NIPAL1: variants seen among roughly 807,000 people sequenced by gnomAD.
NIPAL1 encodes the protein NIPA like domain containing 1.
A neutral mutation model predicts 37.7 loss-of-function variants in NIPAL1; 35 were observed. The ratio of observed to expected loss-of-function variants is 0.93; its 90% CI spans 0.71 to 1.23. The LOEUF (loss-of-function observed/expected upper bound fraction) is 1.23. NIPAL1 is among the 50% of genes most tolerant of loss of function. NIPAL1 has a pLI of 0.00. For missense variants in NIPAL1, 412 were observed against 473.9 expected (o/e 0.87, Z 1.21); for synonymous variants, 162 against 183.0 (o/e 0.89, Z 0.93).
intron 1 of NIPAL1, among the ~76,000 whole-genome samples, chr4:48,017,676 A>G (rs1486480114): frequency 6.6e-6 from 1 of 152,054 alleles, no homozygotes; most frequent in Non-Finnish European, 1.5e-5. Flanking sequence ...AGGCCCCGAT[A>G]AAAGTAGGGA....
chr4:48,026,918 A>C (rs1052337193), intron 2 of NIPAL1, among the ~76,000 whole-genome samples: 1 of 151,822 alleles, frequency 6.6e-6, no homozygotes, highest in East Asian at 1.9e-4. Context: ...GGGTTTCACC[A>C]TGTTGGCCAG....
Position 48,038,405 on chromosome 4 carries a change from G to A in NIPAL1, c.*2233G>A, listed in dbSNP as rs563935573. 11 of 152,228 alleles carry A rather than the reference G, an allele frequency of 7.2e-5. No homozygotes were observed. Among genetic ancestry groups the A allele is most frequent in the Admixed American group, 6.5e-4 (10 of 15,296 alleles). The allele number at this position is 152,228 out of a possible 1,614,324, so 9.4% of individuals were successfully genotyped here. A position where few individuals can be genotyped will look rare whatever the true frequency, so the allele number is the denominator to read the frequency against. On this transcript the variant is annotated 3_prime_UTR_variant, in exon 6 of 6. Coordinates refer to ENST00000295461, the MANE Select transcript of NIPAL1 (RefSeq NM_207330.3). ...TCACACCTGTAATTCCAACACTTTG[G>A]GGGGCTCAGGTGGGAGGATTTCTAG...
At position 48,036,297 on chromosome 4, in the gene NIPAL1, G is replaced by T; in HGVS notation, c.*125G>T. The T allele has an allele frequency of 1.1e-6, 1 of 889,334 alleles. No homozygotes were observed. 55.1% of individuals were successfully genotyped at this position (889,334 alleles called of 1,614,324 possible). On this transcript the variant is annotated 3_prime_UTR_variant, in exon 6 of 6. Coordinates refer to ENST00000295461, the MANE Select transcript of NIPAL1 (RefSeq NM_207330.3). ...CAGTTCTAACTAATTTAGATGTGAG[G>T]CCAAGTAAAAATGCCATTTTTTTGG...
intron 1 of NIPAL1, among the ~76,000 whole-genome samples, chr4:48,021,503 C>CA (rs1715566967): frequency 6.6e-6 from 1 of 152,128 alleles, no homozygotes; most frequent in African/African-American, 2.4e-5. Context: ...GTTCAGTTAT[C>CA]ATCAATTTCA....
chr4:48,032,155 G>A (rs1052166758), intron 3 of NIPAL1, among the ~76,000 whole-genome samples: 3 of 152,260 alleles, frequency 2.0e-5, no homozygotes, highest in East Asian at 1.9e-4. Context: ...GGGATGTAGC[G>A]TAGCAGCCAG....
chr4:48,025,423 T>C (rs1577623851), intron 2 of NIPAL1, 89 bp downstream of exon 2: 1 of 1,288,940 alleles, frequency 7.8e-7, no homozygotes, highest in Non-Finnish European at 1.1e-6. Context: ...ATAAACTTGC[T>C]TGTGTAATTA....
rs563604372 is a variant in NIPAL1 at position 48,035,882 on chromosome 4, A to C, written c.943A>C (p.Thr315Pro). The change falls in exon 6 of 6, where the codon ACA becomes CCA. Residue 315 changes from threonine (T) to proline (P), a missense_variant. Thr to Pro is a conservative substitution (Grantham distance 38). Coordinates refer to ENST00000295461, the MANE Select transcript of NIPAL1 (RefSeq NM_207330.3). Reference protein sequence around the residue: ...LVTPIYYVFFTSMVVTCSAIL... With the variant: ...LVTPIYYVFFPSMVVTCSAIL... ...GACACCCATTTATTATGTATTCTTC[A>C]CATCCATGGTAGTGACTTGCTCTGC... The C allele has an allele frequency of 6.2e-7, 1 of 1,613,856 alleles. No individual in the cohort carries two copies. Among genetic ancestry groups the C allele is most frequent in the Non-Finnish European group, 8.5e-7 (1 of 1,179,892 alleles).
intron 5 of NIPAL1, 70 bp downstream of exon 5, chr4:48,035,111 AAT>A: frequency 8.0e-7 from 1 of 1,249,276 alleles, no homozygotes. Flanking sequence ...TAGTATCTGT[AAT>A]AATATTGTAA....
In NIPAL1 at chr4:48,036,323, C is replaced by A; in HGVS notation, c.*151C>A. 1.5e-6 allele frequency: 1 copy of A among 653,122 alleles called. No individual in the cohort carries two copies. 40.5% of individuals were successfully genotyped at this position (653,122 alleles called of 1,614,324 possible). On this transcript the variant is annotated 3_prime_UTR_variant, in exon 6 of 6. Transcript: ENST00000295461. ...CCAAGTAAAAATGCCATTTTTTTGG[C>A]CATTGAATTTGAAAATCAAATTGAT...
At chr4:48,034,362 A>G (rs1054001494) in intron 4 of NIPAL1, among the ~76,000 whole-genome samples, 2 of 151,654 alleles carry the variant, frequency 1.3e-5, no homozygotes. Context: ...CTGTTACTGT[A>G]TATTATGTGT....
At chr4:48,017,318 A>T (rs1715446603) in intron 1 of NIPAL1, among the ~76,000 whole-genome samples, 1 of 152,018 alleles carries the variant, frequency 6.6e-6, no homozygotes, top group African/African-American at 2.4e-5. Context: ...GGCCCGTGGG[A>T]GTTCTGCGCT....
intron 1 of NIPAL1, among the ~76,000 whole-genome samples, chr4:48,019,110 T>A (rs1475926704): frequency 6.6e-6 from 1 of 152,224 alleles, no homozygotes; most frequent in Non-Finnish European, 1.5e-5. Flanking sequence ...AACTTCCACC[T>A]GGGTTCAAGC....
At chr4:48,017,285 G>A (rs1029459692) in intron 1 of NIPAL1, among the ~76,000 whole-genome samples, 49 of 152,162 alleles carry the variant, frequency 3.2e-4, no homozygotes, top group Non-Finnish European at 5.3e-4. Flanking sequence ...CACCCGGTGG[G>A]CAGAGGGCGT....
chr4:48,028,602 A>C (rs1348729610), intron 2 of NIPAL1, among the ~76,000 whole-genome samples: 3 of 152,182 alleles, frequency 2.0e-5, no homozygotes, highest in African/African-American at 7.2e-5. Context: ...GCTTCTGCAG[A>C]GCAAGAAAAA....
intron 1 of NIPAL1, among the ~76,000 whole-genome samples, chr4:48,020,146 A>G (rs552429849): frequency 6.6e-6 from 1 of 152,152 alleles, no homozygotes; most frequent in Non-Finnish European, 1.5e-5. Flanking sequence ...CACCATACAT[A>G]TTTGTTGAAT....
At chr4:48,021,869 G>A (rs1442429647) in intron 1 of NIPAL1, among the ~76,000 whole-genome samples, 2 of 144,442 alleles carry the variant, frequency 1.4e-5, no homozygotes, top group East Asian at 4.0e-4. Context: ...TCTTAAACTG[G>A]CTGGTTGATA....
At chr4:48,024,001 A>G (rs1446747279) in intron 1 of NIPAL1, among the ~76,000 whole-genome samples, 5 of 130,396 alleles carry the variant, frequency 3.8e-5, no homozygotes, top group African/African-American at 8.7e-5. Flanking sequence ...TTTTGGAGAT[A>G]GTCTCGTTCT....
chr4:48,032,799 C>G (rs1235024562), intron 3 of NIPAL1, among the ~76,000 whole-genome samples, 194 bp from the exon 4 acceptor site: 1 of 152,146 alleles, frequency 6.6e-6, no homozygotes, highest in Non-Finnish European at 1.5e-5. Flanking sequence ...AGTTTATCAC[C>G]TGGTATTACA....
rs1270107263 is a variant in NIPAL1 at position 48,035,680 on chromosome 4, A to G, written c.741A>G (p.Gly247=). ...ATATTTCAATCTGTTCCTTGATTGGAGCGTTTTCAGTTTCTTCTGTGAAAG... is the reference window on the plus strand; with the variant it reads ...ATATTTCAATCTGTTCCTTGATTGGGGCGTTTTCAGTTTCTTCTGTGAAAG... ...LVYISICSLI[G]AFSVSSVKGL... Residue 247 remains glycine (G), a synonymous_variant, in exon 6 of 6, where the codon GGA becomes GGG. Transcript: ENST00000295461. 6.2e-7 allele frequency: 1 copy of G among 1,613,982 alleles called. No individual in the cohort carries two copies. The highest frequency in any genetic ancestry group is 1.7e-5 in the Admixed American group (1 of 59,952).
Sources: gnomAD v4.1 joint callset for allele counts (sites outside exome capture counted in the v4.1 genomes callset) on GRCh38, gnomAD v4.1.1 for gene constraint, MANE v1.5 for transcripts, NCBI Gene and HGNC (gene_info 2026-07-23, HGNC 2026-07-21) for gene names.